DLG2: variants seen among roughly 807,000 people sequenced by gnomAD.
DLG2 encodes disks large homolog 2.
A neutral mutation model predicts 132.5 loss-of-function variants in DLG2; 45 were observed. The observed-to-expected ratio is 0.34, with a 90% CI of 0.27 to 0.44. The LOEUF (loss-of-function observed/expected upper bound fraction) is 0.44. Ranked by LOEUF, DLG2 falls within the 20% of genes least tolerant of loss-of-function variation. The pLI is 1.00. For missense variants in DLG2, 1,045 were observed against 1,196.9 expected, an observed-to-expected ratio of 0.87 and a Z score of 1.87; for synonymous variants, 424 against 419.6, an observed-to-expected ratio of 1.01 and a Z score of -0.13.
chr11:84,017,998 A>T (rs573523952), intron 11 of DLG2, among the ~76,000 whole-genome samples: 1 of 151,936 alleles, frequency 6.6e-6, no homozygotes, highest in South Asian at 2.1e-4. Context: ...GGTTTTCTGC[A>T]GTGTCTCTAT....
chr11:83,684,911 A>G (rs2079474421), intron 18 of DLG2, among the ~76,000 whole-genome samples: 1 of 152,146 alleles, frequency 6.6e-6, no homozygotes, highest in Non-Finnish European at 1.5e-5. Flanking sequence ...AATTTTATAC[A>G]TATTCTTTCA....
At chr11:85,106,801 A>C (rs995805280) in intron 6 of DLG2, among the ~76,000 whole-genome samples, 1 of 152,016 alleles carries the variant, frequency 6.6e-6, no homozygotes, top group African/African-American at 2.4e-5. Context: ...TAATACTTTA[A>C]CACAAATTTC....
rs576484664 is a variant in DLG2, at chr11:83,941,491, G to A, written c.1341-11008C>T. On this transcript the variant is annotated intron_variant, in intron 14 of 27. Transcript: ENST00000376104. ...ACTCACTGCAACCTCTGCCTCCTGG[G>A]TTCAAGCCATTCTCCCATCTCAGCC... Among the ~76,000 whole-genome samples, 5 of 152,108 alleles carry A rather than the reference G, an allele frequency of 3.3e-5. No individual in the cohort carries two copies. The South Asian group carries it at 8.3e-4, about 25-fold the overall frequency.
intron 15 of DLG2, among the ~76,000 whole-genome samples, chr11:83,928,416 A>G (rs117931876): frequency 6.6e-6 from 1 of 152,138 alleles, no homozygotes; most frequent in South Asian, 2.1e-4. Flanking sequence ...TGAATTTTTC[A>G]GGAAGGATGC....
chr11:84,015,573 T>TC (rs999893499), intron 11 of DLG2, among the ~76,000 whole-genome samples: 4 of 152,004 alleles, frequency 2.6e-5, no homozygotes, highest in African/African-American at 7.2e-5. Flanking sequence ...GTGTCTTGTT[T>TC]CCCCCCATGT....
chr11:84,842,568 G>C (rs2080832819), intron 6 of DLG2, among the ~76,000 whole-genome samples: 2 of 151,858 alleles, frequency 1.3e-5, no homozygotes, highest in African/African-American at 2.4e-5. Flanking sequence ...ACTTCATAGG[G>C]CCATACACAA....
rs1229349912 is a variant in DLG2 at position 84,934,504 on chromosome 11, GTTTTTTTTTTGTTTTGTTTTGTTTTTTT to G, written c.357+177129_357+177156del. Reference sequence around the variant, plus strand: ...TCTGTGAATCTGTATGGTCCTGGGTGTTTTTTTTTTGTTTTGTTTTGTTTTTTTTTTTTTTTTTTTTTGGTGGGTAGGC... The same window carrying G: ...TCTGTGAATCTGTATGGTCCTGGGTGTTTTTTTTTTTTTTGGTGGGTAGGC... On this transcript the variant is annotated intron_variant, in intron 6 of 27. Coordinates refer to ENST00000376104, the MANE Select transcript of DLG2 (RefSeq NM_001142699.3). Among the ~76,000 whole-genome samples the G allele has an allele frequency of 5.9e-5, 2 of 33,870 alleles. 1 individual carries two copies. Among genetic ancestry groups the G allele is most frequent in the African/African-American group, 3.5e-4 (2 of 5,752 alleles). The allele number at this position is 33,870 out of a possible 152,430, so 22.2% of individuals were successfully genotyped here. A position where few individuals can be genotyped will look rare whatever the true frequency, so the allele number is the denominator to read the frequency against.
At chr11:84,304,432 T>A (rs895642571) in intron 7 of DLG2, among the ~76,000 whole-genome samples, 1 of 152,186 alleles carries the variant, frequency 6.6e-6, no homozygotes, top group African/African-American at 2.4e-5. Flanking sequence ...CCAGACTTTT[T>A]AAAAAATGGA....
intron 4 of DLG2, among the ~76,000 whole-genome samples, chr11:85,159,289 T>C (rs1228059813): frequency 6.6e-6 from 1 of 152,182 alleles, no homozygotes; most frequent in Non-Finnish European, 1.5e-5. Context: ...CCTGTGGTCA[T>C]TTCTGCAGTG....
At chr11:83,607,083 G>A (rs904804343) in intron 19 of DLG2, among the ~76,000 whole-genome samples, 9 of 152,230 alleles carry the variant, frequency 5.9e-5, no homozygotes, top group Non-Finnish European at 1.5e-5. Context: ...TTTACAGACA[G>A]GAAAAGGAAA....
intron 3 of DLG2, among the ~76,000 whole-genome samples, chr11:85,472,838 C>T (rs1277223471): frequency 6.6e-6 from 1 of 152,204 alleles, no homozygotes; most frequent in Non-Finnish European, 1.5e-5. Flanking sequence ...GGCGAAGGGA[C>T]TGAATGAGCT....
At chr11:83,504,130 A>T (rs146891960) in intron 21 of DLG2, among the ~76,000 whole-genome samples, 24 of 152,328 alleles carry the variant, frequency 1.6e-4, no homozygotes, top group African/African-American at 4.8e-4. Context: ...TGTTTTTAAC[A>T]AAAGAAGGAG....
chr11:85,240,158 T>C (rs539064101), intron 4 of DLG2, among the ~76,000 whole-genome samples: 5 of 151,960 alleles, frequency 3.3e-5, no homozygotes, highest in Non-Finnish European at 5.9e-5. Flanking sequence ...GTTGAACTTA[T>C]CTTTATATAT....
chr11:85,295,004 G>A (rs1449394849), intron 3 of DLG2, among the ~76,000 whole-genome samples: 1 of 152,042 alleles, frequency 6.6e-6, no homozygotes, highest in African/African-American at 2.4e-5. Flanking sequence ...ACTTCAAGTT[G>A]CTCAAAAAGC....
Position 84,525,262 on chromosome 11 carries a change from A to G in DLG2, c.519+9308T>C, listed in dbSNP as rs193286928. ...GACTGTTAAACACTTCTACCTGGGT[A>G]TAACATAAATACTTCAAAATCAGTT... On this transcript the variant is annotated intron_variant, in intron 7 of 27. Transcript: ENST00000376104. Among the ~76,000 whole-genome samples the G allele has an allele frequency of 3.1e-3, 473 of 152,278 alleles. 8 individuals carry two copies. Among genetic ancestry groups the G allele is most frequent in the Admixed American group, 0.028 (424 of 15,292 alleles).
At chr11:84,643,994 G>C (rs906928592) in intron 6 of DLG2, among the ~76,000 whole-genome samples, 1 of 152,174 alleles carries the variant, frequency 6.6e-6, no homozygotes, top group Non-Finnish European at 1.5e-5. Context: ...AGTTCAAACA[G>C]TCAGTATCTT....
intron 18 of DLG2, among the ~76,000 whole-genome samples, chr11:83,671,748 G>A (rs530785689): frequency 1.1e-4 from 17 of 152,108 alleles, no homozygotes; most frequent in South Asian, 6.2e-4. Context: ...CTATGTCAGC[G>A]TGTAGCTCTA....
intron 3 of DLG2, among the ~76,000 whole-genome samples, chr11:85,462,778 G>A (rs2092659206): frequency 1.3e-5 from 2 of 151,560 alleles, no homozygotes; most frequent in African/African-American, 4.9e-5. Flanking sequence ...TTTTGCTCAT[G>A]TACCCTAAAA....
intron 6 of DLG2, among the ~76,000 whole-genome samples, chr11:85,060,469 A>G (rs912714030): frequency 1.2e-4 from 18 of 149,992 alleles, no homozygotes; most frequent in South Asian, 6.3e-4. Flanking sequence ...GTGTGTGTGT[A>G]TATATATGTG....
Sources: gnomAD v4.1 joint callset for allele counts (sites outside exome capture counted in the v4.1 genomes callset) on GRCh38, gnomAD v4.1.1 for gene constraint, MANE v1.5 for transcripts, NCBI Gene and HGNC (gene_info 2026-07-23, HGNC 2026-07-21) for gene names.